The following ANKRD13C variants were observed in gnomAD, a reference collection of about 807,000 sequenced individuals.
ANKRD13C encodes ankyrin repeat domain 13C, also known as ankyrin repeat domain-containing protein 13C.
Under a neutral mutation model 65.5 loss-of-function variants are expected in ANKRD13C, and 16 were observed. That is an observed-to-expected ratio of 0.24 (90% confidence interval 0.17 to 0.37). The LOEUF (loss-of-function observed/expected upper bound fraction) is 0.37, where lower values mean the gene tolerates loss of function less well. ANKRD13C is among the 10% of genes least tolerant of loss of function. The pLI is 1.00. For synonymous variants in ANKRD13C, 235 were observed against 238.7 expected (o/e 0.98, Z 0.14); for missense variants, 503 against 655.9 (o/e 0.77, Z 2.55).
intron 9 of ANKRD13C, among the ~76,000 whole-genome samples, chr1:70,281,248 G>T (rs571561376): frequency 6.6e-5 from 10 of 152,184 alleles, no homozygotes; most frequent in East Asian, 5.8e-4. Context: ...AGATGTCAGA[G>T]ATTGCTAGTT....
chr1:70,272,807 G>GTAGA, intron 11 of ANKRD13C, among the ~76,000 whole-genome samples: 1 of 151,776 alleles, frequency 6.6e-6, no homozygotes, highest in South Asian at 2.1e-4. Flanking sequence ...TGGCCAACAT[G>GTAGA]GTGAACCCCA....
At chr1:70,325,857 T>C (rs1317247500) in intron 2 of ANKRD13C, among the ~76,000 whole-genome samples, 5 of 150,242 alleles carry the variant, frequency 3.3e-5, no homozygotes, top group African/African-American at 1.2e-4. Context: ...CCAGTCCAGA[T>C]GACACAGCGA....
chr1:70,299,333 C>A (rs1037418700), intron 7 of ANKRD13C, among the ~76,000 whole-genome samples: 9 of 152,080 alleles, frequency 5.9e-5, no homozygotes, highest in Non-Finnish European at 7.4e-5. Flanking sequence ...GGAACCATGC[C>A]GTGCTAAGGA....
intron 6 of ANKRD13C, 187 bp downstream of exon 6, chr1:70,306,037 T>TA (rs1460752248): frequency 1.2e-5 from 4 of 320,892 alleles, no homozygotes; most frequent in East Asian, 1.1e-4. Context: ...CTCTAAGTAA[T>TA]AAAAAAATAA....
chr1:70,269,818 T>C (rs1678799006), intron 12 of ANKRD13C, among the ~76,000 whole-genome samples: 1 of 152,062 alleles, frequency 6.6e-6, no homozygotes, highest in South Asian at 2.1e-4. Context: ...TTTTTAGCAA[T>C]GAAAACATTT....
chr1:70,342,768 AC>A (rs1682371142), intron 1 of ANKRD13C, among the ~76,000 whole-genome samples: 2 of 151,560 alleles, frequency 1.3e-5, no homozygotes, highest in African/African-American at 4.9e-5. Flanking sequence ...ACACACACAC[AC>A]ACAAAATAAC....
intron 10 of ANKRD13C, 124 bp downstream of exon 10, chr1:70,276,641 C>T (rs1174580141): frequency 1.3e-5 from 10 of 791,370 alleles, no homozygotes; most frequent in Non-Finnish European, 2.0e-5. Context: ...AGAAGAATTG[C>T]TTCAGTCAAA....
intron 2 of ANKRD13C, among the ~76,000 whole-genome samples, chr1:70,333,449 C>A (rs1473749226): frequency 6.6e-6 from 1 of 152,196 alleles, no homozygotes; most frequent in African/African-American, 2.4e-5. Flanking sequence ...AGTAAACATA[C>A]TTCCTTTGTA....
intron 1 of ANKRD13C, among the ~76,000 whole-genome samples, chr1:70,349,360 T>C (rs915510085): frequency 2.0e-5 from 3 of 152,114 alleles, no homozygotes; most frequent in African/African-American, 7.2e-5. Flanking sequence ...AAAACAGCTG[T>C]TATTAAGTGA....
chr1:70,295,247 TTTTA>T (rs1266824685), intron 8 of ANKRD13C, among the ~76,000 whole-genome samples: 1 of 151,958 alleles, frequency 6.6e-6, no homozygotes, highest in Admixed American at 6.6e-5. Flanking sequence ...TTATTTTTAT[TTTTA>T]TTTATTTATT....
At chr1:70,348,654 A>G (rs1682629071) in intron 1 of ANKRD13C, among the ~76,000 whole-genome samples, 1 of 152,226 alleles carries the variant, frequency 6.6e-6, no homozygotes, top group Non-Finnish European at 1.5e-5. Flanking sequence ...GAGATTTTAC[A>G]CATTAATCAT....
chr1:70,313,391 G>A (rs1434379275), intron 5 of ANKRD13C, among the ~76,000 whole-genome samples: 1 of 152,026 alleles, frequency 6.6e-6, no homozygotes, highest in African/African-American at 2.4e-5. Flanking sequence ...TTAGCCAGGT[G>A]TGACGGCATG....
At chr1:70,316,593 C>A (rs1445989642) in intron 3 of ANKRD13C, among the ~76,000 whole-genome samples, 1 of 151,498 alleles carries the variant, frequency 6.6e-6, no homozygotes, top group Non-Finnish European at 1.5e-5. Context: ...GAGGCTGAGA[C>A]AGGAGGACTG....
At chr1:70,343,769 C>T (rs572621563) in intron 1 of ANKRD13C, among the ~76,000 whole-genome samples, 2 of 152,272 alleles carry the variant, frequency 1.3e-5, no homozygotes, top group Non-Finnish European at 2.9e-5. Flanking sequence ...AATTCCTAGC[C>T]TCAAGTGATC....
chr1:70,270,720 C>T, intron 12 of ANKRD13C, 136 bp downstream of exon 12: 2 of 606,846 alleles, frequency 3.3e-6, no homozygotes, highest in Non-Finnish European at 5.9e-6. Flanking sequence ...TCCTGCTGTG[C>T]ACCCCACTCC....
At chr1:70,301,194 TAC>T (rs1161008442) in intron 6 of ANKRD13C, among the ~76,000 whole-genome samples, 4 of 146,676 alleles carry the variant, frequency 2.7e-5, no homozygotes, top group Non-Finnish European at 5.9e-5. Context: ...TATATATATA[TAC>T]ACATACACAC....
At chr1:70,291,721 C>T (rs934734004) in intron 9 of ANKRD13C, among the ~76,000 whole-genome samples, 1 of 152,018 alleles carries the variant, frequency 6.6e-6, no homozygotes, top group Non-Finnish European at 1.5e-5. Flanking sequence ...GCAGAAGAAT[C>T]GCTTGAACCT....
chr1:70,296,011 G>T, intron 8 of ANKRD13C, 119 bp downstream of exon 8: 1 of 1,154,272 alleles, frequency 8.7e-7, no homozygotes, highest in Non-Finnish European at 1.2e-6. Flanking sequence ...TCAAGGAAGA[G>T]AGAAAAAAAC....
chr1:70,311,959 A>G (rs959751377), intron 5 of ANKRD13C, among the ~76,000 whole-genome samples: 17 of 152,232 alleles, frequency 1.1e-4, no homozygotes, highest in African/African-American at 4.1e-4. Flanking sequence ...TATAATTTGT[A>G]GAAAATTATT....
Sources: allele counts gnomAD v4.1 joint callset (sites outside exome capture counted in the v4.1 genomes callset), GRCh38; gene constraint gnomAD v4.1.1; transcripts MANE v1.5; gene names NCBI Gene and HGNC (gene_info 2026-07-23, HGNC 2026-07-21).